The following BAIAP2L2 variants were observed in gnomAD, a reference collection of about 807,000 sequenced individuals.
The protein encoded by BAIAP2L2 is BAR/IMD domain-containing adapter protein 2-like 2.
A neutral mutation model predicts 60.4 loss-of-function variants in BAIAP2L2; 65 were observed. The observed-to-expected ratio is 1.08, with a 90% CI of 0.88 to 1.32. The LOEUF is 1.32. BAIAP2L2 is among the 40% of genes most tolerant of loss of function. The probability of loss-of-function intolerance (pLI) is 0.00; values close to 1 mark genes in which losing one functional copy is unlikely to be tolerated. For synonymous variants in BAIAP2L2, 344 were observed against 301.7 expected, an observed-to-expected ratio of 1.14 and a Z score of -1.45; for missense variants, 836 against 741.2, an observed-to-expected ratio of 1.13 and a Z score of -1.48.
rs2145909065 is a variant in BAIAP2L2, at chr22:38,085,037, G to A, written c.*263C>T. The A allele has an allele frequency of 2.2e-6, 1 of 453,396 alleles. No individual in the cohort carries two copies. Among genetic ancestry groups the A allele is most frequent in the South Asian group, 2.4e-5 (1 of 41,004 alleles). 28.1% of individuals were successfully genotyped at this position (453,396 alleles called of 1,614,324 possible). A position where few individuals can be genotyped will look rare whatever the true frequency, so the allele number is the denominator to read the frequency against. ...AAAGAGGTTAGGGGGCAAGAGGTGG[G>A]CCCCCCAGGGAGAGTCCTGGAGCCC... On this transcript the variant is annotated 3_prime_UTR_variant, in exon 14 of 14. Transcript: ENST00000381669.
At chr22:38,094,821 GGGCGTGGGA>G (rs146521441) in intron 7 of BAIAP2L2, among the ~76,000 whole-genome samples, 7,767 of 150,350 alleles carry the variant, frequency 0.052, 297 homozygotes, top group East Asian at 0.12. Context: ...GACTCGGGGA[GGGCGTGGGA>G]GGCGTGGGAG....
At chr22:38,100,979 A>T (rs1458067153) in intron 4 of BAIAP2L2, among the ~76,000 whole-genome samples, 3 of 152,250 alleles carry the variant, frequency 2.0e-5, no homozygotes, top group Non-Finnish European at 4.4e-5. Flanking sequence ...GACAAAAGGG[A>T]CATAAGAGAA....
At chr22:38,105,962 G>A (rs2146038418) in intron 4 of BAIAP2L2, among the ~76,000 whole-genome samples, 1 of 152,316 alleles carries the variant, frequency 6.6e-6, no homozygotes, top group South Asian at 2.1e-4. Context: ...TCACAGCTGA[G>A]ATGCCACTGC....
chr22:38,099,086 A>G (rs1440000901), intron 4 of BAIAP2L2, among the ~76,000 whole-genome samples: 2 of 152,214 alleles, frequency 1.3e-5, no homozygotes, highest in Non-Finnish European at 2.9e-5. Flanking sequence ...TCCCATGGCA[A>G]GTGGATGTCT....
chr22:38,110,332 C>T (rs1348534322), intron 1 of BAIAP2L2, 143 bp downstream of exon 1: 1 of 818,262 alleles, frequency 1.2e-6, no homozygotes, highest in Non-Finnish European at 2.0e-6. Context: ...TACCCCCGTA[C>T]CCACCCCTGG....
chr22:38,086,515 T>A, intron 11 of BAIAP2L2, 66 bp from the exon 12 acceptor site: 1 of 1,268,494 alleles, frequency 7.9e-7, no homozygotes, highest in Non-Finnish European at 1.1e-6. Flanking sequence ...GTCCTGCCAG[T>A]AGCTGGGGCA....
In BAIAP2L2 at chr22:38,087,182, AGGTCATGGG is replaced by A. The variant is rs749950522; in HGVS notation, c.1192_1200del (p.Pro398_Thr400del). On this transcript the variant is annotated inframe_deletion, in exon 11 of 14. Transcript: ENST00000381669. ...GTCATGGGGGACATGGAGGTCATGG[AGGTCATGGG>A]GGTCACGGGGGTCATGGGATTCACG... 35 of 1,598,584 alleles carry A rather than the reference AGGTCATGGG, an allele frequency of 2.2e-5. No homozygotes were observed. The highest frequency in any genetic ancestry group is 1.1e-4 in the Admixed American group (6 of 56,348).
chr22:38,107,636 C>T (rs1161638226), intron 4 of BAIAP2L2, among the ~76,000 whole-genome samples: 1 of 152,144 alleles, frequency 6.6e-6, no homozygotes, highest in African/African-American at 2.4e-5. Flanking sequence ...CAGTTTCTTC[C>T]TCTATAAAAT....
At chr22:38,096,272 A>C (rs1234862864) in intron 7 of BAIAP2L2, among the ~76,000 whole-genome samples, 1 of 152,234 alleles carries the variant, frequency 6.6e-6, no homozygotes, top group African/African-American at 2.4e-5. Flanking sequence ...CAATTCAGAA[A>C]GTGAAATCTA....
intron 10 of BAIAP2L2, among the ~76,000 whole-genome samples, chr22:38,088,444 G>A (rs1027292925): frequency 6.6e-6 from 1 of 152,214 alleles, no homozygotes; most frequent in Non-Finnish European, 1.5e-5. Context: ...CCCAGAGGCA[G>A]GCACACAGTA....
chr22:38,086,163 G>C, intron 12 of BAIAP2L2, 79 bp downstream of exon 12: 1 of 1,466,612 alleles, frequency 6.8e-7, no homozygotes, highest in Non-Finnish European at 9.3e-7. Flanking sequence ...CCAGACAGCC[G>C]GTGACAGAGC....
chr22:38,089,529 A>C lies in BAIAP2L2; in HGVS notation c.758T>G (p.Leu253Arg). 1 of 1,214,942 alleles carries C rather than the reference A, an allele frequency of 8.2e-7. No homozygotes were observed. Among genetic ancestry groups the C allele is most frequent in the Middle Eastern group, 3.2e-4 (1 of 3,102 alleles). 75.3% of individuals were successfully genotyped at this position (1,214,942 alleles called of 1,614,324 possible). A position where few individuals can be genotyped will look rare whatever the true frequency, so the allele number is the denominator to read the frequency against. The change falls in exon 8 of 14, where the codon CTG becomes CGG. Residue 253 changes from leucine (L) to arginine (R), a missense_variant. Leu to Arg is a moderately radical substitution (Grantham distance 102). Coordinates refer to ENST00000381669, the MANE Select transcript of BAIAP2L2 (RefSeq NM_025045.6). Reference protein sequence around the residue: ...YPSGRLTPTCLDMPPRPLGEF... With the variant: ...YPSGRLTPTCRDMPPRPLGEF... Reference sequence around the variant, plus strand: ...GGGCGCCCAGGGCCTCACCATGTCCAGGCAGGTGGGCGTCAGGCGGCCCGA... The same window carrying C: ...GGGCGCCCAGGGCCTCACCATGTCCCGGCAGGTGGGCGTCAGGCGGCCCGA...
intron 4 of BAIAP2L2, among the ~76,000 whole-genome samples, chr22:38,105,365 A>G (rs1174865437): frequency 7.3e-6 from 1 of 137,628 alleles, no homozygotes; most frequent in African/African-American, 2.8e-5. Context: ...TTTTTGAGAC[A>G]GAGTCTCACC....
chr22:38,107,429 C>A (rs969547377), intron 4 of BAIAP2L2, among the ~76,000 whole-genome samples: 1 of 152,116 alleles, frequency 6.6e-6, no homozygotes, highest in Non-Finnish European at 1.5e-5. Flanking sequence ...GCCAGGGACC[C>A]CTCACTGAGA....
At chr22:38,097,233 C>G (rs1369874916) in intron 6 of BAIAP2L2, 55 bp from the exon 7 acceptor site, 1 of 1,588,596 alleles carries the variant, frequency 6.3e-7, no homozygotes, top group South Asian at 1.1e-5. Context: ...CATCCCACCC[C>G]CCTCGCCCAC....
chr22:38,086,100 C>A, intron 12 of BAIAP2L2, 142 bp downstream of exon 12: 1 of 959,086 alleles, frequency 1.0e-6, no homozygotes, highest in Non-Finnish European at 1.6e-6. Flanking sequence ...CCCACACCAC[C>A]CCTCCCTGCA....
chr22:38,094,821 G>GGGCGTGGGAGGCGTGGGA (rs146521441), intron 7 of BAIAP2L2, among the ~76,000 whole-genome samples: 42 of 150,386 alleles, frequency 2.8e-4, no homozygotes, highest in African/African-American at 5.6e-4. Flanking sequence ...GACTCGGGGA[G>GGGCGTGGGAGGCGTGGGA]GGCGTGGGAG....
At chr22:38,086,518 C>A in intron 11 of BAIAP2L2, 69 bp from the exon 12 acceptor site, 1 of 1,248,410 alleles carries the variant, frequency 8.0e-7, no homozygotes. Context: ...CTGCCAGTAG[C>A]TGGGGCACCT....
At chr22:38,110,862 CT>C (rs958813397), upstream of BAIAP2L2, among the ~76,000 whole-genome samples, 3 of 152,130 alleles carry the variant, frequency 2.0e-5, no homozygotes, top group African/African-American at 7.2e-5. Flanking sequence ...GGGTCACCCC[CT>C]CCTCAAGGAC....
Sources: allele counts gnomAD v4.1 joint callset (sites outside exome capture counted in the v4.1 genomes callset), GRCh38; gene constraint gnomAD v4.1.1; transcripts MANE v1.5; gene names NCBI Gene and HGNC (gene_info 2026-07-23, HGNC 2026-07-21).